Variants in MBD3 observed in about 807,000 individuals in gnomAD.
MBD3 encodes methyl-CpG binding domain protein 3.
MBD3 carries 13 observed loss-of-function variants against 31.2 expected under a neutral mutation model. The ratio of observed to expected loss-of-function variants is 0.42; its 90% CI spans 0.27 to 0.66. The LOEUF (loss-of-function observed/expected upper bound fraction) is 0.66, where lower values mean the gene tolerates loss of function less well. Ranked by LOEUF, MBD3 falls within the 30% of genes least tolerant of loss-of-function variation. MBD3 has a pLI of 0.26. For synonymous variants in MBD3, 223 were observed against 187.4 expected, an observed-to-expected ratio of 1.19 and a Z score of -1.55; for missense variants, 440 against 426.5, an observed-to-expected ratio of 1.03 and a Z score of -0.28.
In MBD3 at chr19:1,585,619, C is replaced by T; in HGVS notation, c.111-405G>A. The T allele has an allele frequency of 3.6e-6, 1 of 277,136 alleles. No homozygotes were observed. The highest frequency in any genetic ancestry group is 7.1e-6 in the Non-Finnish European group (1 of 141,526). 17.2% of individuals were successfully genotyped at this position (277,136 alleles called of 1,614,324 possible). A position where few individuals can be genotyped will look rare whatever the true frequency, so the allele number is the denominator to read the frequency against. ...GCACAGCAGACGCTGAGTTCGGGTA[C>T]AAACGCTACTACCTACAGGGCTTTG... is the stretch of plus-strand genomic sequence containing the variant. On this transcript the variant is annotated intron_variant, in intron 1 of 6. Transcript: ENST00000434436. The surrounding 1 kb of genome is among the most constrained non-coding windows in gnomAD (Gnocchi z 4.1).
chr19:1,581,042 C>A (rs367849479), intron 5 of MBD3, 50 bp downstream of exon 5: 9 of 1,608,800 alleles, frequency 5.6e-6, no homozygotes, highest in Non-Finnish European at 7.7e-6. Flanking sequence ...AGGGTCCCCA[C>A]GGCCACAAGA....
rs752225761 is a variant in MBD3, at chr19:1,578,306, T to C, written c.*5+29A>G. ...GCAGTCCCCACTGCCAGGACCCGAC[T>C]CCAGGGAGCCCCCGTGGCCCCGCAG... On this transcript the variant is annotated intron_variant, in intron 6 of 6. Transcript: ENST00000434436. This position sits in a 1 kb window ranked among gnomAD's most constrained non-coding sequence, Gnocchi z 6.1. 2 of 1,599,962 alleles carry C rather than the reference T, an allele frequency of 1.3e-6. No individual in the cohort carries two copies. Among genetic ancestry groups the C allele is most frequent in the South Asian group, 2.2e-5 (2 of 90,984 alleles).
chr19:1,578,212 G>T lies in MBD3; in HGVS notation c.*6-54C>A. The T allele has an allele frequency of 1.4e-6, 2 of 1,453,776 alleles. No homozygotes were observed. The highest frequency in any genetic ancestry group is 1.9e-6 in the Non-Finnish European group (2 of 1,062,544). 90.1% of individuals were successfully genotyped at this position (1,453,776 alleles called of 1,614,324 possible). A position where few individuals can be genotyped will look rare whatever the true frequency, so the allele number is the denominator to read the frequency against. ...GCGACTCCACGGGACGGGGACGCTT[G>T]GGCTCTTCTAGGGAGATGGGAAGCT... On this transcript the variant is annotated intron_variant, in intron 6 of 6. Transcript: ENST00000434436. The surrounding 1 kb of genome is among the most constrained non-coding windows in gnomAD (Gnocchi z 6.1).
At chr19:1,581,913 G>A (rs1174100502) in intron 4 of MBD3, among the ~76,000 whole-genome samples, 7 of 151,954 alleles carry the variant, frequency 4.6e-5, no homozygotes, top group East Asian at 3.9e-4. Flanking sequence ...GACTACAGGC[G>A]GCCGCCACTA....
At position 1,573,653 on chromosome 19, in the gene MBD3, C is replaced by T. The variant is rs1171335833; in HGVS notation, c.*4511G>A. The T allele has an allele frequency of 6.6e-6, 1 of 152,252 alleles. No individual in the cohort carries two copies. Among genetic ancestry groups the T allele is most frequent in the African/African-American group, 2.4e-5 (1 of 41,462 alleles). The allele number at this position is 152,252 out of a possible 1,614,324, so 9.4% of individuals were successfully genotyped here. ...TACATCTCAAAAAACCCACTTCACA[C>T]ACGTTAACTGGAAATATCTTCAAAT... On this transcript the variant is annotated 3_prime_UTR_variant, in exon 7 of 7. Coordinates refer to ENST00000434436, the MANE Select transcript of MBD3 (RefSeq NM_001281453.2).
chr19:1,578,247 C>T lies in MBD3; in HGVS notation c.*5+88G>A. On this transcript the variant is annotated intron_variant, in intron 6 of 6. Transcript: ENST00000434436. The surrounding 1 kb of genome is among the most constrained non-coding windows in gnomAD (Gnocchi z 6.1). ...AGGGAGATGGGAAGCTCTTGGGAGGCACCCGTCATCCCAAGCACATCTGTG... is the reference window on the plus strand; with the variant it reads ...AGGGAGATGGGAAGCTCTTGGGAGGTACCCGTCATCCCAAGCACATCTGTG... 1 of 1,570,550 alleles carries T rather than the reference C, an allele frequency of 6.4e-7. No homozygotes were observed. Among genetic ancestry groups the T allele is most frequent in the Non-Finnish European group, 8.6e-7 (1 of 1,157,956 alleles).
rs555937020 is a variant in MBD3 at position 1,578,066 on chromosome 19, G to A, written c.*98C>T. 2 of 570,144 alleles carry A rather than the reference G, an allele frequency of 3.5e-6. No homozygotes were observed. Among genetic ancestry groups the A allele is most frequent in the East Asian group, 3.0e-5 (1 of 32,948 alleles). 35.3% of individuals were successfully genotyped at this position (570,144 alleles called of 1,614,324 possible). On this transcript the variant is annotated 3_prime_UTR_variant, in exon 7 of 7. Transcript: ENST00000434436. This position sits in a 1 kb window ranked among gnomAD's most constrained non-coding sequence, Gnocchi z 6.1. ...CGGCCTTCCTCCTGGGTGTCTCCAA[G>A]GCTGGGCTTCGCCGCCGAGCCTGGT...
intron 1 of MBD3, among the ~76,000 whole-genome samples, chr19:1,590,522 C>T (rs1179771961): frequency 2.0e-5 from 3 of 151,994 alleles, no homozygotes; most frequent in African/African-American, 7.3e-5. Context: ...GGAGGCTGAG[C>T]TGAGAGGGTC....
At chr19:1,587,233 G>A (rs1365145896) in intron 1 of MBD3, among the ~76,000 whole-genome samples, 4 of 151,548 alleles carry the variant, frequency 2.6e-5, no homozygotes, top group African/African-American at 9.7e-5. Flanking sequence ...CCAAAGTGCT[G>A]GGATTACAGG....
intron 2 of MBD3, 68 bp downstream of exon 2, chr19:1,584,987 C>G (rs2060671555): frequency 1.3e-6 from 2 of 1,590,298 alleles, no homozygotes; most frequent in Non-Finnish European, 1.7e-6. Flanking sequence ...GCCTGCAGCT[C>G]ACGTCATGGC....
chr19:1,584,706 C>T, intron 2 of MBD3, 29 bp from the exon 3 acceptor site: 2 of 1,602,978 alleles, frequency 1.2e-6, no homozygotes, highest in Middle Eastern at 1.7e-4. Context: ...GCAGTCCGGC[C>T]TGGGGGCGCC....
At chr19:1,581,771 CTTTTT>C (rs35312920) in intron 4 of MBD3, 11 of 162,278 alleles carry the variant, frequency 6.8e-5, no homozygotes, top group South Asian at 3.9e-4. Context: ...TGCTCTGTAT[CTTTTT>C]TTTTTTTTTT....
rs1916551524 is a variant in MBD3, at chr19:1,575,733, CACG to C, written c.*2428_*2430del. 1 of 153,150 alleles carries C rather than the reference CACG, an allele frequency of 6.5e-6. No individual in the cohort carries two copies. The highest frequency in any genetic ancestry group is 2.4e-5 in the African/African-American group (1 of 41,470). The allele number at this position is 153,150 out of a possible 1,614,324, so 9.5% of individuals were successfully genotyped here. On this transcript the variant is annotated 3_prime_UTR_variant, in exon 7 of 7. Coordinates refer to ENST00000434436, the MANE Select transcript of MBD3 (RefSeq NM_001281453.2). ...CGCCTACAACTCACTTCTCACCGGG[CACG>C]ACCTCTAGCAAAGGCCAGTATTGCC...
rs1915040793 is a variant in MBD3, at chr19:1,574,289, A to T, written c.*3875T>A. The T allele has an allele frequency of 6.6e-6, 1 of 151,548 alleles. No homozygotes were observed. Among genetic ancestry groups the T allele is most frequent in the African/African-American group, 2.4e-5 (1 of 41,114 alleles). The allele number at this position is 151,548 out of a possible 1,614,324, so 9.4% of individuals were successfully genotyped here. On this transcript the variant is annotated 3_prime_UTR_variant, in exon 7 of 7. Transcript: ENST00000434436. ...CTCCAGCCTGGGTGACAAGAGTGAGACTCCATCTCAAAAAAAAAACTGTGG... is the reference window on the plus strand; with the variant it reads ...CTCCAGCCTGGGTGACAAGAGTGAGTCTCCATCTCAAAAAAAAAACTGTGG...
intron 5 of MBD3, among the ~76,000 whole-genome samples, chr19:1,580,553 C>T (rs371777480): frequency 1.3e-5 from 2 of 152,232 alleles, no homozygotes; most frequent in Non-Finnish European, 2.9e-5. Context: ...TTCCTGCAGG[C>T]GCCTCCGTCA....
chr19:1,589,557 G>A (rs1399937100), intron 1 of MBD3, among the ~76,000 whole-genome samples: 2 of 152,134 alleles, frequency 1.3e-5, no homozygotes, highest in East Asian at 3.8e-4. Context: ...GGAGTCTGAG[G>A]CAGGAGAATC....
rs187905136 is a variant in MBD3 at position 1,585,257 on chromosome 19, A to C, written c.111-43T>G. On this transcript the variant is annotated intron_variant, in intron 1 of 6. Transcript: ENST00000434436. This position sits in a 1 kb window ranked among gnomAD's most constrained non-coding sequence, Gnocchi z 4.1. ...GGTCGGCGCCCCGGGCGGACCCCAG[A>C]CCCCAAACCCAGGCCTCGGCCGCAG... is the stretch of plus-strand genomic sequence containing the variant. 1,385 of 1,537,938 alleles carry C rather than the reference A, an allele frequency of 9.0e-4. 14 individuals are homozygous for C. In the African/African-American group the frequency reaches 0.017, roughly 19 times the overall value.
chr19:1,592,829 C>A lies in MBD3; in HGVS notation c.-198G>T, dbSNP rs1191030891. The A allele has an allele frequency of 2.7e-5, 4 of 146,568 alleles. No individual in the cohort carries two copies. Among genetic ancestry groups the A allele is most frequent in the South Asian group, 1.8e-4 (1 of 5,412 alleles). The allele number at this position is 146,568 out of a possible 1,614,324, so 9.1% of individuals were successfully genotyped here. A position where few individuals can be genotyped will look rare whatever the true frequency, so the allele number is the denominator to read the frequency against. ...GCCCTTTCGGCCCCCTCCCCGCGCT[C>A]GCCAGCCCCCGCTCGGGGGGCCCGC... On this transcript the variant is annotated 5_prime_UTR_variant, in exon 1 of 7. Coordinates refer to ENST00000434436, the MANE Select transcript of MBD3 (RefSeq NM_001281453.2).
intron 1 of MBD3, among the ~76,000 whole-genome samples, chr19:1,591,784 G>A (rs1304794187): frequency 6.6e-6 from 1 of 152,120 alleles, no homozygotes; most frequent in Non-Finnish European, 1.5e-5. Flanking sequence ...GTTCCACGGA[G>A]GGGGTTCCCT....
Sources: gnomAD v4.1 joint callset for allele counts (sites outside exome capture counted in the v4.1 genomes callset) on GRCh38, gnomAD v4.1.1 for gene constraint, Gnocchi (gnomAD v3.1) non-coding constraint, MANE v1.5 for transcripts, NCBI Gene and HGNC (gene_info 2026-07-23, HGNC 2026-07-21) for gene names.